Variants in SPHKAP observed in about 807,000 individuals in gnomAD.
SPHKAP encodes A-kinase anchor protein SPHKAP.
Under a neutral mutation model 137.5 loss-of-function variants are expected in SPHKAP, and 67 were observed. That is an observed-to-expected ratio of 0.49 (90% CI 0.40 to 0.60). The LOEUF is 0.60. Ranked by LOEUF, SPHKAP falls within the 20% of genes least tolerant of loss-of-function variation. The pLI is 0.00. For missense variants in SPHKAP, 2,097 were observed against 2,069.3 expected, an observed-to-expected ratio of 1.01 and a Z score of -0.26; for synonymous variants, 813 against 785.3, an observed-to-expected ratio of 1.04 and a Z score of -0.59.
At chr2:228,175,641 T>A (rs1700716717) in intron 1 of SPHKAP, among the ~76,000 whole-genome samples, 1 of 152,060 alleles carries the variant, frequency 6.6e-6, no homozygotes, top group Non-Finnish European at 1.5e-5. Context: ...ATAAAAAACA[T>A]ATGACACAAA....
chr2:228,061,629 G>A (rs1696636173), intron 3 of SPHKAP, among the ~76,000 whole-genome samples: 1 of 151,878 alleles, frequency 6.6e-6, no homozygotes, highest in Admixed American at 6.6e-5. Context: ...CCATTACTGG[G>A]TAAATAGACT....
chr2:228,093,379 T>C (rs1387406685), intron 3 of SPHKAP, among the ~76,000 whole-genome samples: 1 of 152,158 alleles, frequency 6.6e-6, no homozygotes, highest in Admixed American at 6.5e-5. Context: ...GTAGAAACAA[T>C]GCAAACCTTC....
chr2:228,155,729 C>T (rs933610906), intron 1 of SPHKAP, among the ~76,000 whole-genome samples: 1 of 152,202 alleles, frequency 6.6e-6, no homozygotes, highest in African/African-American at 2.4e-5. Flanking sequence ...TGTAAAGAGA[C>T]TTCCAGATGT....
At chr2:227,982,689 A>G (rs1693046266) in intron 11 of SPHKAP, among the ~76,000 whole-genome samples, 1 of 152,218 alleles carries the variant, frequency 6.6e-6, no homozygotes, top group Non-Finnish European at 1.5e-5. Context: ...CAATTCTGTC[A>G]CAACTCTATG....
At chr2:228,107,875 T>C (rs1363988065) in intron 3 of SPHKAP, among the ~76,000 whole-genome samples, 2 of 152,204 alleles carry the variant, frequency 1.3e-5, no homozygotes, top group Non-Finnish European at 2.9e-5. Context: ...AGCAGAATCA[T>C]AAACTTTTGC....
intron 1 of SPHKAP, among the ~76,000 whole-genome samples, chr2:228,163,672 T>C (rs1447588416): frequency 1.3e-5 from 2 of 152,198 alleles, no homozygotes; most frequent in East Asian, 1.9e-4. Flanking sequence ...CATGGCAATA[T>C]AGCAACAAAT....
intron 3 of SPHKAP, among the ~76,000 whole-genome samples, chr2:228,063,143 C>CCTCT (rs1696707809): frequency 6.9e-6 from 1 of 145,858 alleles, no homozygotes; most frequent in Admixed American, 6.9e-5. Context: ...TAGATAGATC[C>CCTCT]CTATCTATCT....
chr2:228,000,291 C>A (rs1031938762), intron 7 of SPHKAP, among the ~76,000 whole-genome samples: 1 of 151,796 alleles, frequency 6.6e-6, no homozygotes, highest in Non-Finnish European at 1.5e-5. Flanking sequence ...ACCAGCCTAG[C>A]CAACATGGTG....
intron 7 of SPHKAP, among the ~76,000 whole-genome samples, chr2:227,997,999 T>A (rs897647493): frequency 7.2e-5 from 11 of 152,094 alleles, no homozygotes; most frequent in Middle Eastern, 3.2e-3. Context: ...AAGCTGGTAG[T>A]TTTTTGTTTG....
At chr2:228,037,439 A>C (rs1236382881) in intron 3 of SPHKAP, among the ~76,000 whole-genome samples, 1 of 152,206 alleles carries the variant, frequency 6.6e-6, no homozygotes, top group East Asian at 1.9e-4. Context: ...GGATATGCTC[A>C]CACCATCCCT....
At chr2:228,139,433 A>C (rs1198478966) in intron 1 of SPHKAP, among the ~76,000 whole-genome samples, 1 of 152,196 alleles carries the variant, frequency 6.6e-6, no homozygotes, top group Non-Finnish European at 1.5e-5. Flanking sequence ...ACTTCCAAAT[A>C]GAATGTTATT....
chr2:228,141,050 A>G (rs1310453440), intron 1 of SPHKAP, among the ~76,000 whole-genome samples: 3 of 152,200 alleles, frequency 2.0e-5, no homozygotes, highest in African/African-American at 7.2e-5. Context: ...AACAGACCTA[A>G]GATTTCAGTT....
intron 3 of SPHKAP, among the ~76,000 whole-genome samples, chr2:228,041,981 G>A (rs1462665147): frequency 6.6e-6 from 1 of 152,106 alleles, no homozygotes; most frequent in East Asian, 1.9e-4. Context: ...CCATAACTAT[G>A]AGGACTACTC....
At chr2:228,050,098 A>T (rs1465005129) in intron 3 of SPHKAP, among the ~76,000 whole-genome samples, 1 of 152,200 alleles carries the variant, frequency 6.6e-6, no homozygotes, top group Admixed American at 6.6e-5. Flanking sequence ...AATGATCAAC[A>T]TTACTAATTC....
At chr2:228,058,515 T>G (rs1000773584) in intron 3 of SPHKAP, among the ~76,000 whole-genome samples, 1 of 151,980 alleles carries the variant, frequency 6.6e-6, no homozygotes, top group African/African-American at 2.4e-5. Context: ...ACGCCCAGGG[T>G]TTTCTTTCCT....
chr2:228,167,947 C>G (rs7584422), intron 1 of SPHKAP, among the ~76,000 whole-genome samples: 1 of 152,014 alleles, frequency 6.6e-6, no homozygotes, highest in South Asian at 2.1e-4. Flanking sequence ...AAAAGACATG[C>G]TCATACATGA....
At position 228,181,287 on chromosome 2, in the gene SPHKAP, C is replaced by G. The variant is rs1316874208; in HGVS notation, c.32+280G>C. Among the ~76,000 whole-genome samples, 1 of 152,190 alleles carries G rather than the reference C, an allele frequency of 6.6e-6. No individual in the cohort carries two copies. The highest frequency in any genetic ancestry group is 1.5e-5 in the Non-Finnish European group (1 of 68,032). Reference sequence around the variant, plus strand: ...GCTCCACCTAGGGCAGAGCAGACCTCCGTCCCTGGGCCTTAGAGGCGGGCA... The same window carrying G: ...GCTCCACCTAGGGCAGAGCAGACCTGCGTCCCTGGGCCTTAGAGGCGGGCA... On this transcript the variant is annotated intron_variant, in intron 1 of 11. Transcript: ENST00000392056. The surrounding 1 kb of genome is among the most constrained non-coding windows in gnomAD (Gnocchi z 4.3).
intron 7 of SPHKAP, among the ~76,000 whole-genome samples, chr2:228,004,605 C>T (rs1694054718): frequency 6.6e-6 from 1 of 152,148 alleles, no homozygotes; most frequent in African/African-American, 2.4e-5. Context: ...CTATCTTTTG[C>T]ATGTGTTTGC....
At chr2:228,036,557 C>A (rs1353447521) in intron 3 of SPHKAP, among the ~76,000 whole-genome samples, 1 of 152,144 alleles carries the variant, frequency 6.6e-6, no homozygotes, top group African/African-American at 2.4e-5. Flanking sequence ...GATTATAAAT[C>A]ATGCTGCTAT....
Sources: allele counts gnomAD v4.1 joint callset (sites outside exome capture counted in the v4.1 genomes callset), GRCh38; gene constraint gnomAD v4.1.1; non-coding constraint Gnocchi (gnomAD v3.1); transcripts MANE v1.5; gene names NCBI Gene and HGNC (gene_info 2026-07-23, HGNC 2026-07-21).